Variants in ARHGEF9 observed in about 807,000 individuals in gnomAD.
The protein encoded by ARHGEF9 is Cdc42 guanine nucleotide exchange factor 9.
Under a neutral mutation model 41.3 loss-of-function variants are expected in ARHGEF9, and 2 were observed. The ratio of observed to expected loss-of-function variants is 0.05; its 90% confidence interval spans 0.02 to 0.15. The LOEUF (loss-of-function observed/expected upper bound fraction) is 0.15, where lower values mean the gene tolerates loss of function less well. Among genes scored for constraint, ARHGEF9 ranks in the 10% least tolerant of loss-of-function variants. The probability of loss-of-function intolerance (pLI) is 1.00; values close to 1 mark genes in which losing one functional copy is unlikely to be tolerated. For missense variants in ARHGEF9, 225 were observed against 424.7 expected (o/e 0.53, Z 4.13); for synonymous variants, 160 against 154.4 (o/e 1.04, Z -0.27).
At chrX:63,780,783 T>A in intron 1 of ARHGEF9, among the ~76,000 whole-genome samples, 1 of 111,875 alleles carries the variant, frequency 8.9e-6, no homozygotes, top group East Asian at 2.8e-4. Context: ...AGCTCCCAGT[T>A]GCATCGTTGG....
chrX:63,666,453 TACACACACACACACACACACACAC>T (rs782805278), intron 6 of ARHGEF9, among the ~76,000 whole-genome samples: 1 of 81,263 alleles, frequency 1.2e-5, no homozygotes, highest in African/African-American at 4.6e-5. Flanking sequence ...TATATATACA[TACACACACACACACACACACACAC>T]ACACACACAC....
intron 1 of ARHGEF9, among the ~76,000 whole-genome samples, chrX:63,768,019 G>C (rs1556452710): frequency 8.9e-6 from 1 of 112,298 alleles, no homozygotes; most frequent in Non-Finnish European, 1.9e-5. Context: ...TGGAGAACAA[G>C]TGGTTTTTGG....
intron 4 of ARHGEF9, among the ~76,000 whole-genome samples, chrX:63,690,951 G>T (rs782136716): frequency 4.5e-5 from 5 of 111,128 alleles, no homozygotes; most frequent in South Asian, 3.7e-4. Context: ...ATGAGAAAAA[G>T]ACAACAAACT....
At chrX:63,758,259 G>A (rs1298740935) in intron 1 of ARHGEF9, among the ~76,000 whole-genome samples, 5 of 110,094 alleles carry the variant, frequency 4.5e-5, no homozygotes, top group Non-Finnish European at 9.5e-5. Flanking sequence ...AGCCCCTGAC[G>A]CCTCATCTTC....
chrX:63,710,347 G>T (rs1436412298), intron 2 of ARHGEF9, among the ~76,000 whole-genome samples: 2 of 100,758 alleles, frequency 2.0e-5, no homozygotes, highest in Non-Finnish European at 4.0e-5. Context: ...CTTCACTGGT[G>T]AATTCTACCA....
At chrX:63,757,394 T>A (rs1465790656) in intron 1 of ARHGEF9, among the ~76,000 whole-genome samples, 1 of 111,355 alleles carries the variant, frequency 9.0e-6, no homozygotes, top group East Asian at 2.8e-4. Flanking sequence ...ATCTCCTCCT[T>A]AGTATCTCAC....
chrX:63,733,607 G>A (rs1460726064), intron 1 of ARHGEF9, among the ~76,000 whole-genome samples: 1 of 112,568 alleles, frequency 8.9e-6, no homozygotes, highest in African/African-American at 3.2e-5. Flanking sequence ...CTGAATGGAA[G>A]TATGTACATA....
At chrX:63,724,243 C>T (rs1432862608) in intron 2 of ARHGEF9, among the ~76,000 whole-genome samples, 1 of 111,326 alleles carries the variant, frequency 9.0e-6, no homozygotes, top group Non-Finnish European at 1.9e-5. Flanking sequence ...ACCACCAAGG[C>T]CAACCCCAAA....
At chrX:63,646,923 T>C (rs1297687442) in intron 8 of ARHGEF9, among the ~76,000 whole-genome samples, 1 of 111,493 alleles carries the variant, frequency 9.0e-6, no homozygotes, top group African/African-American at 3.3e-5. Context: ...TGGTTTGTAG[T>C]TGTCCTTGAA....
chrX:63,741,386 G>C (rs1157626151), intron 1 of ARHGEF9, among the ~76,000 whole-genome samples: 2 of 112,656 alleles, frequency 1.8e-5, no homozygotes, highest in African/African-American at 6.4e-5. Flanking sequence ...AGGAGAGCCA[G>C]AGCAAACTTA....
chrX:63,686,531 A>T (rs1273156891), intron 4 of ARHGEF9, among the ~76,000 whole-genome samples: 1 of 111,907 alleles, frequency 8.9e-6, no homozygotes, highest in East Asian at 2.8e-4. Flanking sequence ...ATATGTTAAA[A>T]ATTTCTCACA....
chrX:63,762,972 T>C (rs2056058125), intron 1 of ARHGEF9, among the ~76,000 whole-genome samples: 4 of 112,420 alleles, frequency 3.6e-5, no homozygotes, highest in African/African-American at 9.7e-5. Context: ...AATAACATTT[T>C]ATTTTCTCTA....
At position 63,636,871 on chromosome X, in the gene ARHGEF9, G is replaced by T; in HGVS notation, c.*1157C>A. The T allele has an allele frequency of 3.4e-6, 1 of 297,370 alleles. No individual in the cohort carries two copies. Among genetic ancestry groups the T allele is most frequent in the South Asian group, 2.0e-4 (1 of 5,009 alleles). The allele number at this position is 297,370 out of a possible 1,213,427, so 24.5% of individuals were successfully genotyped here. A position where few individuals can be genotyped will look rare whatever the true frequency, so the allele number is the denominator to read the frequency against. ...GTAGCTGATGATCTTGATCAGGTGG[G>T]CTCTGTCTTGAACCCCTCCATACTT... On this transcript the variant is annotated 3_prime_UTR_variant, in exon 10 of 10. Coordinates refer to ENST00000671741, the MANE Select transcript of ARHGEF9 (RefSeq NM_001353921.2).
chrX:63,706,684 C>A (rs2147510417), intron 2 of ARHGEF9, among the ~76,000 whole-genome samples: 1 of 111,634 alleles, frequency 9.0e-6, no homozygotes, highest in African/African-American at 3.3e-5. Context: ...GGACTAAATT[C>A]ATTCATGCTG....
At chrX:63,690,574 A>C (rs1299779762) in intron 4 of ARHGEF9, among the ~76,000 whole-genome samples, 1 of 111,820 alleles carries the variant, frequency 8.9e-6, no homozygotes. Flanking sequence ...AGAACTGATA[A>C]TAATTCTATG....
chrX:63,773,584 G>A (rs1221236774), intron 1 of ARHGEF9, among the ~76,000 whole-genome samples: 4 of 112,307 alleles, frequency 3.6e-5, no homozygotes, highest in African/African-American at 1.3e-4. Flanking sequence ...CTATGTGATA[G>A]TTAATTTTAA....
In ARHGEF9 at chrX:63,644,065, T is replaced by C; in HGVS notation, c.1322-17A>G. On this transcript the variant is annotated splice_polypyrimidine_tract_variant and intron_variant, in intron 8 of 9. Transcript: ENST00000671741. ...TTTCAAAGCCTAAAAAAGAAAAATA[T>C]ATGATTTTTTAAATGAGAAACACAC... The C allele has an allele frequency of 8.5e-7, 1 of 1,176,046 alleles. No homozygotes were observed. The highest frequency in any genetic ancestry group is 1.2e-6 in the Non-Finnish European group (1 of 865,496).
intron 1 of ARHGEF9, among the ~76,000 whole-genome samples, chrX:63,740,555 C>T (rs1379889057): frequency 1.8e-5 from 2 of 112,327 alleles, no homozygotes; most frequent in African/African-American, 6.5e-5. Context: ...CAGAGGGGAA[C>T]GTGACTGAGA....
At chrX:63,726,572 T>G (rs782668557) in intron 1 of ARHGEF9, 1 of 111,332 alleles carries the variant, frequency 9.0e-6, no homozygotes, top group Non-Finnish European at 1.9e-5. Context: ...ACTCCTGACC[T>G]CAAGTGATCT....
Sources: gnomAD v4.1 joint callset for allele counts (sites outside exome capture counted in the v4.1 genomes callset) on GRCh38, gnomAD v4.1.1 for gene constraint, MANE v1.5 for transcripts, NCBI Gene and HGNC (gene_info 2026-07-23, HGNC 2026-07-21) for gene names.